PLEKHA6: variants seen among roughly 807,000 people sequenced by gnomAD.
PLEKHA6 encodes the protein pleckstrin homology domain-containing family A member 6.
PLEKHA6 carries 60 observed loss-of-function variants against 116.7 expected under a neutral mutation model. The observed-to-expected ratio is 0.51, with a 90% CI of 0.42 to 0.64. The LOEUF (loss-of-function observed/expected upper bound fraction) is 0.64, where lower values mean the gene tolerates loss of function less well. Among genes scored for constraint, PLEKHA6 ranks in the 30% least tolerant of loss-of-function variants. The probability of loss-of-function intolerance (pLI) is 0.00; values close to 1 mark genes in which losing one functional copy is unlikely to be tolerated. For missense variants in PLEKHA6, 1,338 were observed against 1,422.7 expected (o/e 0.94, Z 0.96); for synonymous variants, 489 against 556.1 (o/e 0.88, Z 1.70).
chr1:204,371,413 T>C (rs1673776848), intron 2 of PLEKHA6: 1 of 152,136 alleles, frequency 6.6e-6, no homozygotes, highest in African/African-American at 2.4e-5. Context: ...CTAAGCTGAG[T>C]CCATCCATGG....
At chr1:204,361,648 C>T (rs1673562762), upstream of PLEKHA6, among the ~76,000 whole-genome samples, 2 of 152,238 alleles carry the variant, frequency 1.3e-5, no homozygotes, top group Non-Finnish European at 2.9e-5. Context: ...GAAAGCTGCT[C>T]TGCTGAAGGG....
chr1:204,329,860 G>T (rs901162342), intron 1 of PLEKHA6, among the ~76,000 whole-genome samples: 4 of 149,668 alleles, frequency 2.7e-5, no homozygotes, highest in Non-Finnish European at 5.9e-5. Context: ...TTTGAGACCA[G>T]CCTGGGTAAC....
chr1:204,246,273 G>T (rs901428934), intron 13 of PLEKHA6, among the ~76,000 whole-genome samples: 3 of 152,290 alleles, frequency 2.0e-5, no homozygotes, highest in Admixed American at 6.5e-5. Context: ...CATTTCGGCT[G>T]CATGACTCTA....
chr1:204,260,426 A>G (rs950338179), intron 7 of PLEKHA6, among the ~76,000 whole-genome samples: 1 of 152,236 alleles, frequency 6.6e-6, no homozygotes, highest in African/African-American at 2.4e-5. Context: ...GGGTAGGAAC[A>G]TGGCAGACTT....
intron 10 of PLEKHA6, among the ~76,000 whole-genome samples, 162 bp from the exon 11 acceptor site, chr1:204,249,426 CAAG>C (rs1038792375): frequency 1.1e-4 from 16 of 152,164 alleles, no homozygotes; most frequent in African/African-American, 3.6e-4. Flanking sequence ...CTCCTGAGAA[CAAG>C]AAGATGGGTC....
At chr1:204,337,719 G>C (rs80250752) in intron 1 of PLEKHA6, among the ~76,000 whole-genome samples, 2,638 of 152,276 alleles carry the variant, frequency 0.017, 63 homozygotes, top group African/African-American at 0.055. Context: ...TCTCACTTGG[G>C]GGGGGAATCC....
intron 1 of PLEKHA6, among the ~76,000 whole-genome samples, chr1:204,295,762 C>T (rs980006760): frequency 6.6e-6 from 1 of 152,054 alleles, no homozygotes; most frequent in Non-Finnish European, 1.5e-5. Context: ...GACCCACAGC[C>T]CGAGAAGGAA....
At chr1:204,356,441 C>A (rs1341460842) in intron 1 of PLEKHA6, among the ~76,000 whole-genome samples, 1 of 152,060 alleles carries the variant, frequency 6.6e-6, no homozygotes, top group East Asian at 1.9e-4. Context: ...GTGACATGCA[C>A]CTGTAGACCC....
Position 204,230,573 on chromosome 1 carries a change from C to G in PLEKHA6, c.2423G>C (p.Ser808Thr), listed in dbSNP as rs769307264. 3.7e-5 allele frequency: 59 copies of G among 1,602,754 alleles called. No individual in the cohort carries two copies. Among genetic ancestry groups the G allele is most frequent in the Non-Finnish European group, 4.3e-5 (51 of 1,175,200 alleles). Residue 808 changes from serine to threonine, a missense_variant, in exon 18 of 23, where the codon AGT (serine) becomes ACT (threonine). Ser to Thr is a moderately conservative substitution (Grantham distance 58, BLOSUM62 1). Around this residue, in one of 3 missense-constraint regions of PLEKHA6, gnomAD observed 1,136 missense variants for 1,163.6 expected, o/e 0.98. Transcript: ENST00000272203. Reference sequence around the variant, plus strand: ...CTTCCCCTCGCCAGGAAACACAGCACTCTTGGGGCGTTCCTGCTGCCATGG... The same window carrying G: ...CTTCCCCTCGCCAGGAAACACAGCAGTCTTGGGGCGTTCCTGCTGCCATGG... ...NGLSSQERPK[S>T]AVFPGEGKVK...
intron 13 of PLEKHA6, 88 bp from the exon 14 acceptor site, chr1:204,245,814 C>A (rs1412381456): frequency 1.1e-6 from 1 of 869,870 alleles, no homozygotes; most frequent in Non-Finnish European, 1.9e-6. Context: ...GAACCCACAT[C>A]CCTTTGGGCC....
upstream of PLEKHA6, among the ~76,000 whole-genome samples, chr1:204,360,754 G>A (rs1029522696): frequency 4.6e-5 from 7 of 152,110 alleles, no homozygotes; most frequent in Middle Eastern, 3.4e-3. Flanking sequence ...TGCCCAAATC[G>A]GTCTTGATAA....
chr1:204,340,418 A>G (rs1449149908), intron 1 of PLEKHA6, among the ~76,000 whole-genome samples: 1 of 152,210 alleles, frequency 6.6e-6, no homozygotes, highest in African/African-American at 2.4e-5. Context: ...AGCCAGCTGA[A>G]GCACCAATTA....
At chr1:204,309,382 G>A (rs1671570297) in intron 1 of PLEKHA6, among the ~76,000 whole-genome samples, 1 of 152,150 alleles carries the variant, frequency 6.6e-6, no homozygotes, top group African/African-American at 2.4e-5. Flanking sequence ...AGGTCGTTCT[G>A]GTCAACGATG....
chr1:204,266,424 G>A (rs1341234733), intron 5 of PLEKHA6, among the ~76,000 whole-genome samples: 1 of 152,174 alleles, frequency 6.6e-6, no homozygotes, highest in Non-Finnish European at 1.5e-5. Context: ...AGACTCTCCT[G>A]TGCAGAGACC....
chr1:204,230,586 C>T lies in PLEKHA6; in HGVS notation c.2410G>A (p.Glu804Lys). The T allele has an allele frequency of 4.4e-6, 7 of 1,598,304 alleles. No individual in the cohort carries two copies. Among genetic ancestry groups the T allele is most frequent in the Non-Finnish European group, 6.0e-6 (7 of 1,172,658 alleles). ...SGLTNGLSSQ[E>K]RPKSAVFPGE... The stretch of plus-strand genomic sequence containing the variant: ...GGAAACACAGCACTCTTGGGGCGTT[C>T]CTGCTGCCATGGGAAAACAGGGCTC... The change falls in exon 18 of 23, where the codon GAA (glutamate) becomes AAA (lysine). Residue 804 changes from glutamate to lysine, a missense_variant and splice_region_variant. Physicochemically the swap from Glu to Lys is moderately conservative, Grantham distance 56 (BLOSUM62 1). This residue lies in a region of PLEKHA6 where 1,136 missense variants were observed against 1,163.6 expected (regional missense o/e 0.98). Transcript: ENST00000272203.
chr1:204,243,983 G>C (rs949835441), intron 15 of PLEKHA6, among the ~76,000 whole-genome samples: 16 of 151,876 alleles, frequency 1.1e-4, no homozygotes, highest in African/African-American at 3.6e-4. Flanking sequence ...ACCACGCCCG[G>C]CTAATTTTTT....
Position 204,261,678 on chromosome 1 carries a change from G to T in PLEKHA6, c.382-230C>A, listed in dbSNP as rs1415705117. On this transcript the variant is annotated intron_variant, in intron 6 of 22. Transcript: ENST00000272203. This position sits in a 1 kb window ranked among gnomAD's most constrained non-coding sequence, Gnocchi z 4.0. Reference sequence around the variant, plus strand: ...GTATCCACCTTGGCTGGCTCTCTGGGCACCATTAGGCAGCCCAATAACCAG... The same window carrying T: ...GTATCCACCTTGGCTGGCTCTCTGGTCACCATTAGGCAGCCCAATAACCAG... Among the ~76,000 whole-genome samples, 1 of 152,188 alleles carries T rather than the reference G, an allele frequency of 6.6e-6. No individual in the cohort carries two copies. Among genetic ancestry groups the T allele is most frequent in the Non-Finnish European group, 1.5e-5 (1 of 68,032 alleles).
At chr1:204,291,210 AACT>A (rs916720043) in intron 1 of PLEKHA6, among the ~76,000 whole-genome samples, 1 of 152,186 alleles carries the variant, frequency 6.6e-6, no homozygotes, top group Non-Finnish European at 1.5e-5. Flanking sequence ...TGCAAATTGA[AACT>A]ACTATGAGCT....
chr1:204,247,060 C>T (rs71631802), intron 13 of PLEKHA6, among the ~76,000 whole-genome samples: 16 of 152,132 alleles, frequency 1.1e-4, no homozygotes, highest in African/African-American at 2.9e-4. Flanking sequence ...TGCTTGAGCC[C>T]GGGGCAGTCA....
Sources: allele counts gnomAD v4.1 joint callset (sites outside exome capture counted in the v4.1 genomes callset), GRCh38; gene constraint gnomAD v4.1.1; regional missense constraint gnomAD v4.1.1; non-coding constraint Gnocchi (gnomAD v3.1); transcripts MANE v1.5; gene names NCBI Gene and HGNC (gene_info 2026-07-23, HGNC 2026-07-21).